LSAMP: variants seen among roughly 807,000 people sequenced by gnomAD.
LSAMP encodes the protein limbic system associated membrane protein.
Under a neutral mutation model 38.6 loss-of-function variants are expected in LSAMP, and 7 were observed. The observed-to-expected ratio is 0.18, with a 90% confidence interval of 0.10 to 0.34. The LOEUF is 0.34. Among genes scored for constraint, LSAMP ranks in the 10% least tolerant of loss-of-function variants. The pLI is 1.00. For synonymous variants in LSAMP, 154 were observed against 166.8 expected (o/e 0.92, Z 0.59); for missense variants, 313 against 420.0 (o/e 0.75, Z 2.23).
rs2048727939 is a variant in LSAMP at position 116,393,373 on chromosome 3, A to G, written c.155+51504T>C. Reference sequence around the variant, plus strand: ...CTTGCAGTGCATCTGGTCTAGCTGCAGCCTCACAGAGAACCAGTGCCCGTT... The same window carrying G: ...CTTGCAGTGCATCTGGTCTAGCTGCGGCCTCACAGAGAACCAGTGCCCGTT... On this transcript the variant is annotated intron_variant, in intron 1 of 6. Transcript: ENST00000490035. Among the ~76,000 whole-genome samples, 8 of 152,314 alleles carry G rather than the reference A, an allele frequency of 5.3e-5. 1 individual carries two copies. In the South Asian group the frequency reaches 1.7e-3, roughly 32 times the overall value.
At chr3:115,869,265 A>AGG (rs200509380) in intron 3 of LSAMP, among the ~76,000 whole-genome samples, 7 of 146,660 alleles carry the variant, frequency 4.8e-5, no homozygotes, top group Admixed American at 2.7e-4. Context: ...TCTATCTTGG[A>AGG]GGGGGAGAGA....
intron 1 of LSAMP, among the ~76,000 whole-genome samples, chr3:116,301,406 AAAAC>A (rs2107706059): frequency 6.6e-6 from 1 of 152,310 alleles, no homozygotes; most frequent in Non-Finnish European, 1.5e-5. Flanking sequence ...AAAAATAAAT[AAAAC>A]AAAATCAATA....
intron 1 of LSAMP, among the ~76,000 whole-genome samples, chr3:116,334,075 T>A (rs1226179222): frequency 6.6e-6 from 1 of 151,832 alleles, no homozygotes; most frequent in African/African-American, 2.4e-5. Flanking sequence ...TACTATTGAT[T>A]CTACAGAAAT....
chr3:116,001,200 A>G (rs563694362), intron 3 of LSAMP, among the ~76,000 whole-genome samples: 86 of 152,310 alleles, frequency 5.6e-4, no homozygotes, highest in Non-Finnish European at 9.3e-4. Context: ...GAAAAAAAGG[A>G]AAAGAAAAAA....
intron 3 of LSAMP, among the ~76,000 whole-genome samples, chr3:115,857,418 A>G (rs1312297072): frequency 6.6e-6 from 1 of 152,228 alleles, no homozygotes; most frequent in African/African-American, 2.4e-5. Context: ...CTCTCAGGCC[A>G]GAAATGGACA....
At chr3:116,421,944 T>C (rs971587390) in intron 1 of LSAMP, among the ~76,000 whole-genome samples, 1 of 152,134 alleles carries the variant, frequency 6.6e-6, no homozygotes, top group Non-Finnish European at 1.5e-5. Flanking sequence ...GGAAGAGAAA[T>C]GAAAATATAT....
intron 1 of LSAMP, among the ~76,000 whole-genome samples, chr3:116,409,402 T>C (rs547712614): frequency 6.8e-4 from 104 of 152,148 alleles, no homozygotes; most frequent in African/African-American, 2.3e-3. Context: ...ATGGGATCTG[T>C]AGTTTTCACT....
At chr3:116,317,939 C>A (rs1049771124) in intron 1 of LSAMP, among the ~76,000 whole-genome samples, 1 of 151,484 alleles carries the variant, frequency 6.6e-6, no homozygotes, top group South Asian at 2.1e-4. Flanking sequence ...AGTTCGAGAC[C>A]AGCCTGGCCA....
At position 116,314,991 on chromosome 3, in the gene LSAMP, G is replaced by A. The variant is rs539710672; in HGVS notation, c.155+129886C>T. 3.3e-5 allele frequency among the ~76,000 whole-genome samples: 5 copies of A among 152,202 alleles called. No homozygotes were observed. The South Asian group carries it at 1.0e-3, about 32-fold the overall frequency. ...TAGAATGACCCTCAATTTCAAAACAGAATGTCCCTTCAGTTTGGCAAATCA... is the reference window on the plus strand; with the variant it reads ...TAGAATGACCCTCAATTTCAAAACAAAATGTCCCTTCAGTTTGGCAAATCA... On this transcript the variant is annotated intron_variant, in intron 1 of 6. Coordinates refer to ENST00000490035, the MANE Select transcript of LSAMP (RefSeq NM_002338.5).
intron 1 of LSAMP, among the ~76,000 whole-genome samples, chr3:116,110,745 A>G (rs13087999): frequency 2.0e-5 from 3 of 152,126 alleles, no homozygotes; most frequent in Admixed American, 6.5e-5. Flanking sequence ...AGAGCAGGAG[A>G]ACAGGGGATT....
chr3:115,866,136 T>G (rs370492122), intron 3 of LSAMP, among the ~76,000 whole-genome samples: 8 of 152,292 alleles, frequency 5.3e-5, no homozygotes, highest in African/African-American at 1.9e-4. Flanking sequence ...AGATAGTAAA[T>G]GGCAGAGCTA....
chr3:116,097,916 G>T (rs1174904712), intron 1 of LSAMP, among the ~76,000 whole-genome samples: 1 of 151,768 alleles, frequency 6.6e-6, no homozygotes, highest in Non-Finnish European at 1.5e-5. Context: ...TGTATTTTTA[G>T]GTAAGATGGG....
intron 1 of LSAMP, among the ~76,000 whole-genome samples, chr3:116,328,560 G>A (rs1028271813): frequency 3.9e-5 from 6 of 152,050 alleles, no homozygotes; most frequent in African/African-American, 1.4e-4. Flanking sequence ...TATAAAATGA[G>A]AACCATTTGT....
intron 1 of LSAMP, among the ~76,000 whole-genome samples, chr3:116,298,908 T>C (rs1036468814): frequency 2.0e-5 from 3 of 152,166 alleles, no homozygotes; most frequent in Non-Finnish European, 4.4e-5. Flanking sequence ...AATTGAGCAA[T>C]GTATACCCTT....
At chr3:116,255,249 A>G (rs2046734354) in intron 1 of LSAMP, among the ~76,000 whole-genome samples, 1 of 152,178 alleles carries the variant, frequency 6.6e-6, no homozygotes, top group South Asian at 2.1e-4. Context: ...ACTACTAACT[A>G]AAGAAGAAAT....
In LSAMP at chr3:116,216,372, A is replaced by T. The variant is rs1313185484; in HGVS notation, c.156-129816T>A. On this transcript the variant is annotated intron_variant, in intron 1 of 6. Coordinates refer to ENST00000490035, the MANE Select transcript of LSAMP (RefSeq NM_002338.5). ...AACATGCTACCCTAGGTATGCTCTGATAAGGACAGAGAAGAAAAATGGCAT... is the reference window on the plus strand; with the variant it reads ...AACATGCTACCCTAGGTATGCTCTGTTAAGGACAGAGAAGAAAAATGGCAT... 2.0e-5 allele frequency among the ~76,000 whole-genome samples: 3 copies of T among 152,148 alleles called. No individual in the cohort carries two copies. In the East Asian group the frequency reaches 5.8e-4, roughly 29 times the overall value.
At chr3:116,249,168 AAACTT>A (rs2046645922) in intron 1 of LSAMP, among the ~76,000 whole-genome samples, 1 of 148,724 alleles carries the variant, frequency 6.7e-6, no homozygotes, top group African/African-American at 2.5e-5. Flanking sequence ...AAAAAGGACT[AAACTT>A]AAACAACACT....
chr3:116,276,197 G>C (rs1208462465), intron 1 of LSAMP, among the ~76,000 whole-genome samples: 2 of 151,804 alleles, frequency 1.3e-5, no homozygotes, highest in Non-Finnish European at 2.9e-5. Flanking sequence ...CCTTTAAGTA[G>C]TAAATATCTG....
intron 4 of LSAMP, among the ~76,000 whole-genome samples, chr3:115,848,437 CAAA>C (rs1340514167): frequency 6.6e-6 from 1 of 152,100 alleles, no homozygotes; most frequent in Non-Finnish European, 1.5e-5. Flanking sequence ...AACAAACAAA[CAAA>C]AAAGTTATTT....
Sources: allele counts gnomAD v4.1 joint callset (sites outside exome capture counted in the v4.1 genomes callset), GRCh38; gene constraint gnomAD v4.1.1; transcripts MANE v1.5; gene names NCBI Gene and HGNC (gene_info 2026-07-23, HGNC 2026-07-21).